SCRG1: variants seen among roughly 807,000 people sequenced by gnomAD.
The protein encoded by SCRG1 is scrapie-responsive protein 1.
A neutral mutation model predicts 7.7 loss-of-function variants in SCRG1; 3 were observed. That is an observed-to-expected ratio of 0.39 (90% CI 0.18 to 1.01). SCRG1 has a LOEUF of 1.01. Ranked by LOEUF, SCRG1 falls within the 50% of genes least tolerant of loss-of-function variation. The pLI is 0.36. For missense variants in SCRG1, 110 were observed against 117.2 expected (o/e 0.94, Z 0.28); for synonymous variants, 46 against 41.2 (o/e 1.12, Z -0.44).
chr4:173,427,180 G>T, the SCRG1 span, among the ~76,000 whole-genome samples: 1 of 152,156 alleles, frequency 6.6e-6, no homozygotes, highest in African/African-American at 2.4e-5. Context: ...CCAGAGCTGG[G>T]CTTCACATGT....
chr4:173,496,815 GA>G, the SCRG1 span, among the ~76,000 whole-genome samples: 2 of 152,170 alleles, frequency 1.3e-5, no homozygotes, highest in Non-Finnish European at 2.9e-5. Flanking sequence ...TTACATTTAT[GA>G]AGAATGGCAG....
the SCRG1 span, among the ~76,000 whole-genome samples, chr4:173,453,720 A>G: frequency 1.3e-5 from 2 of 152,200 alleles, no homozygotes; most frequent in East Asian, 3.8e-4. Flanking sequence ...GTGCATAACT[A>G]TGTATGCCAC....
intron 1 of SCRG1, among the ~76,000 whole-genome samples, chr4:173,395,436 A>G (rs1010054869): frequency 3.9e-5 from 6 of 152,156 alleles, no homozygotes; most frequent in Non-Finnish European, 8.8e-5. Flanking sequence ...CCTTCCTTTC[A>G]CTTTGTCTCC....
the SCRG1 span, among the ~76,000 whole-genome samples, chr4:173,476,287 C>A: frequency 6.9e-6 from 1 of 145,508 alleles, no homozygotes; most frequent in African/African-American, 2.5e-5. Context: ...GGGGAATGGG[C>A]AGAAACCTTG....
the SCRG1 span, among the ~76,000 whole-genome samples, chr4:173,484,359 T>TATAATAA: frequency 2.4e-5 from 1 of 41,134 alleles, no homozygotes; most frequent in Non-Finnish European, 4.7e-5. Flanking sequence ...ATATATAATA[T>TATAATAA]ATATTATATA....
At chr4:173,407,329 C>T (rs1034886958), upstream of SCRG1, among the ~76,000 whole-genome samples, 4 of 151,722 alleles carry the variant, frequency 2.6e-5, no homozygotes, top group African/African-American at 7.3e-5. Flanking sequence ...CCAGCCTGAC[C>T]AACATGGTGA....
chr4:173,453,620 A>G, the SCRG1 span, among the ~76,000 whole-genome samples: 329 of 152,376 alleles, frequency 2.2e-3, 3 homozygotes, highest in South Asian at 4.8e-3. Flanking sequence ...ATCTATACAT[A>G]GAAAAGGTAC....
the SCRG1 span, among the ~76,000 whole-genome samples, chr4:173,517,785 C>G: frequency 6.6e-6 from 1 of 152,222 alleles, no homozygotes; most frequent in African/African-American, 2.4e-5. Context: ...CAGGCGTAGC[C>G]ACAAAAGAGC....
chr4:173,400,944 G>A (rs552761076), upstream of SCRG1, among the ~76,000 whole-genome samples: 44 of 152,302 alleles, frequency 2.9e-4, no homozygotes, highest in South Asian at 1.9e-3. Flanking sequence ...ACTGAGAAGA[G>A]GTAGCCAAAG....
the SCRG1 span, among the ~76,000 whole-genome samples, chr4:173,492,336 T>C: frequency 6.6e-6 from 1 of 152,106 alleles, no homozygotes; most frequent in South Asian, 2.1e-4. Context: ...TCCAGAATGT[T>C]TGTCCCTTCA....
At chr4:173,493,616 G>GAAAAAAAAAA in the SCRG1 span, among the ~76,000 whole-genome samples, 1 of 95,688 alleles carries the variant, frequency 1.0e-5, no homozygotes, top group African/African-American at 3.6e-5. Flanking sequence ...GACTCAGTCA[G>GAAAAAAAAAA]AAAAAAAAAA....
At chr4:173,430,755 C>T in the SCRG1 span, among the ~76,000 whole-genome samples, 3 of 136,246 alleles carry the variant, frequency 2.2e-5, no homozygotes, top group South Asian at 7.2e-4. Context: ...TATGGTAAGC[C>T]ATGATCATGC....
chr4:173,509,599 C>T, the SCRG1 span, among the ~76,000 whole-genome samples: 1 of 152,190 alleles, frequency 6.6e-6, no homozygotes, highest in African/African-American at 2.4e-5. The surrounding 1 kb of genome is among the most constrained non-coding windows in gnomAD (Gnocchi z 5.7). Context: ...CCTTCCTTCC[C>T]GAGTGAGCTC....
the SCRG1 span, among the ~76,000 whole-genome samples, chr4:173,517,944 T>C: frequency 2.0e-5 from 3 of 152,340 alleles, no homozygotes; most frequent in East Asian, 5.8e-4. Flanking sequence ...CGGGCCTAGC[T>C]TCGGAGGTAT....
the SCRG1 span, among the ~76,000 whole-genome samples, chr4:173,478,320 T>C: frequency 6.6e-6 from 1 of 152,052 alleles, no homozygotes; most frequent in Non-Finnish European, 1.5e-5. Context: ...TTAAGGCAAA[T>C]CCTTGTAATC....
the SCRG1 span, among the ~76,000 whole-genome samples, chr4:173,439,721 G>A: frequency 1.3e-5 from 2 of 151,954 alleles, no homozygotes; most frequent in Non-Finnish European, 2.9e-5. Context: ...CTCTTACCAC[G>A]ATAGGTAAAG....
chr4:173,461,821 A>G, the SCRG1 span, among the ~76,000 whole-genome samples: 6 of 152,120 alleles, frequency 3.9e-5, no homozygotes, highest in African/African-American at 1.4e-4. Flanking sequence ...TCAAGATAAC[A>G]CCAAAGGAAT....
chr4:173,411,866 G>C, the SCRG1 span, among the ~76,000 whole-genome samples: 4 of 152,300 alleles, frequency 2.6e-5, no homozygotes, highest in East Asian at 7.7e-4. Context: ...TCCTTGTGTC[G>C]ATGGTTATTA....
At chr4:173,445,094 A>C in the SCRG1 span, among the ~76,000 whole-genome samples, 1 of 112,518 alleles carries the variant, frequency 8.9e-6, no homozygotes, top group African/African-American at 2.5e-5. Flanking sequence ...CCCAACTTTT[A>C]ACAGAAATGA....
Sources: gnomAD v4.1 joint callset for allele counts (sites outside exome capture counted in the v4.1 genomes callset) on GRCh38, gnomAD v4.1.1 for gene constraint, Gnocchi (gnomAD v3.1) non-coding constraint, MANE v1.5 for transcripts, NCBI Gene and HGNC (gene_info 2026-07-23, HGNC 2026-07-21) for gene names.